Variants in DRD3 observed in about 807,000 individuals in gnomAD.
The protein encoded by DRD3 is dopamine receptor D3.
Under a neutral mutation model 36.3 loss-of-function variants are expected in DRD3, and 19 were observed. The observed-to-expected ratio is 0.52, with a 90% CI of 0.36 to 0.77. The LOEUF (loss-of-function observed/expected upper bound fraction) is 0.77, where lower values mean the gene tolerates loss of function less well. Ranked by LOEUF, DRD3 falls within the 30% of genes least tolerant of loss-of-function variation. The pLI is 0.00. For synonymous variants in DRD3, 195 were observed against 203.7 expected (o/e 0.96, Z 0.36); for missense variants, 465 against 505.3 (o/e 0.92, Z 0.77).
chr3:114,186,701 C>T (rs1263142770), intron 1 of DRD3, among the ~76,000 whole-genome samples: 2 of 152,158 alleles, frequency 1.3e-5, no homozygotes, highest in African/African-American at 4.8e-5. Context: ...CTGACATGAC[C>T]AAAATAAACT....
chr3:114,161,356 T>A (rs999071992), intron 2 of DRD3, among the ~76,000 whole-genome samples: 1 of 152,218 alleles, frequency 6.6e-6, no homozygotes, highest in African/African-American at 2.4e-5. Flanking sequence ...GATTTTCTCA[T>A]CCAAGGATCT....
At chr3:114,170,714 GAT>G in intron 2 of DRD3, among the ~76,000 whole-genome samples, 1 of 152,144 alleles carries the variant, frequency 6.6e-6, no homozygotes, top group Non-Finnish European at 1.5e-5. Flanking sequence ...GCTCTCCCGT[GAT>G]ATGTCATACT....
chr3:114,183,761 A>T (rs36212178), upstream of DRD3, among the ~76,000 whole-genome samples: 1 of 151,686 alleles, frequency 6.6e-6, no homozygotes, highest in Non-Finnish European at 1.5e-5. Flanking sequence ...TTTGGTTACT[A>T]TTTGCATGAA....
intron 4 of DRD3, 33 bp downstream of exon 4, chr3:114,147,382 C>T (rs1203742350): frequency 5.0e-6 from 8 of 1,602,826 alleles, no homozygotes; most frequent in Non-Finnish European, 6.8e-6. Context: ...CTGTGAATCA[C>T]ATGGATGCTA....
rs117707741 is a variant in DRD3, at chr3:114,187,156, A to G, written c.-155-8380T>C. On this transcript the variant is annotated intron_variant, in intron 1 of 7. Coordinates refer to the DRD3 transcript ENST00000460779. The stretch of plus-strand genomic sequence containing the variant: ...AGTTGACAACATTCCATCAAAGAAC[A>G]GGTCATGTGTTTTCTTTCTTTTCTT... Among the ~76,000 whole-genome samples the G allele has an allele frequency of 8.7e-4, 132 of 152,364 alleles. 3 individuals are homozygous for G. The East Asian group carries it at 0.024, about 28-fold the overall frequency.
rs567810497 is a variant in DRD3, at chr3:114,169,815, C to A, written c.270+1908G>T. Among the ~76,000 whole-genome samples, 13 of 152,254 alleles carry A rather than the reference C, an allele frequency of 8.5e-5. No homozygotes were observed. In the East Asian group the frequency reaches 2.1e-3, roughly 25 times the overall value. ...AAGTCACAATGTCTATCTCCTAAAC[C>A]AGTACATACAGATGTTTTCCAGTAT... is the stretch of plus-strand genomic sequence containing the variant. On this transcript the variant is annotated intron_variant, in intron 2 of 6. Coordinates refer to ENST00000383673, the MANE Select transcript of DRD3 (RefSeq NM_000796.6).
Position 114,128,845 on chromosome 3 carries a change from G to C in DRD3, c.1074C>G (p.Cys358Trp). ...CACTGTAAAGCTCTGGGGACACGTG[G>C]CATGTCTGGCAGTGGGTATTGAGAA... The part of the protein sequence containing the change: ...THVLNTHCQT[C>W]HVSPELYSAT... The change falls in exon 7 of 7, where the codon TGC becomes TGG. Residue 358 changes from cysteine (C) to tryptophan (W), a missense_variant. Physicochemically the swap from Cys to Trp is radical, Grantham distance 215. Coordinates refer to ENST00000383673, the MANE Select transcript of DRD3 (RefSeq NM_000796.6). The C allele has an allele frequency of 6.2e-7, 1 of 1,613,908 alleles. No individual in the cohort carries two copies. Among genetic ancestry groups the C allele is most frequent in the Non-Finnish European group, 8.5e-7 (1 of 1,179,918 alleles).
At chr3:114,140,821 G>C (rs1385822185) in intron 4 of DRD3, among the ~76,000 whole-genome samples, 1 of 152,168 alleles carries the variant, frequency 6.6e-6, no homozygotes, top group Non-Finnish European at 1.5e-5. Flanking sequence ...CTTCATAAAG[G>C]GTTGGGGATT....
At chr3:114,152,717 G>T (rs2077629338) in intron 3 of DRD3, among the ~76,000 whole-genome samples, 1 of 152,204 alleles carries the variant, frequency 6.6e-6, no homozygotes, top group Non-Finnish European at 1.5e-5. Flanking sequence ...AAAGCCCGGC[G>T]CCCTGCTTCC....
intron 1 of DRD3, among the ~76,000 whole-genome samples, chr3:114,175,378 C>T (rs2077888035): frequency 6.6e-6 from 1 of 152,006 alleles, no homozygotes; most frequent in Non-Finnish European, 1.5e-5. Flanking sequence ...GGCATTCATG[C>T]TTAAACATTC....
intron 5 of DRD3, among the ~76,000 whole-genome samples, chr3:114,134,750 G>A (rs2077460734): frequency 6.6e-6 from 1 of 151,838 alleles, no homozygotes; most frequent in Admixed American, 6.6e-5. Context: ...GGTCCACAGA[G>A]GTATTCTTAG....
At chr3:114,139,926 G>A (rs750551035) in intron 4 of DRD3, among the ~76,000 whole-genome samples, 9 of 152,148 alleles carry the variant, frequency 5.9e-5, no homozygotes, top group African/African-American at 9.7e-5. Flanking sequence ...ACAATCATAC[G>A]CCAGACACTG....
chr3:114,172,075 C>T (rs2077851327), intron 1 of DRD3, 48 bp from the exon 2 acceptor site: 2 of 1,310,352 alleles, frequency 1.5e-6, no homozygotes, highest in African/African-American at 1.5e-5. Context: ...CTCTTTGGGG[C>T]TTGGTTGCTT....
chr3:114,159,693 C>T (rs1385556153), intron 3 of DRD3, 62 bp downstream of exon 3: 34 of 1,415,702 alleles, frequency 2.4e-5, no homozygotes, highest in Non-Finnish European at 3.0e-5. Context: ...CTCAAGTGCA[C>T]AATCTGTCTC....
chr3:114,179,210 A>G (rs1379728869), upstream of DRD3, among the ~76,000 whole-genome samples: 1 of 152,156 alleles, frequency 6.6e-6, no homozygotes, highest in Non-Finnish European at 1.5e-5. Flanking sequence ...GTGGGTGTAA[A>G]GATGATTAGT....
chr3:114,159,533 G>A (rs1056786809), intron 3 of DRD3, among the ~76,000 whole-genome samples: 4 of 152,072 alleles, frequency 2.6e-5, no homozygotes, highest in African/African-American at 9.7e-5. Context: ...CAGGGAGCTG[G>A]AGGAGAAGAA....
chr3:114,180,291 G>T (rs1460964794), upstream of DRD3, among the ~76,000 whole-genome samples: 1 of 151,928 alleles, frequency 6.6e-6, no homozygotes, highest in Non-Finnish European at 1.5e-5. Context: ...CTTTATAGAG[G>T]CTGTTATGGA....
Position 114,177,548 on chromosome 3 carries a change from G to A in DRD3, c.-36+1109C>T, listed in dbSNP as rs572558046. Among the ~76,000 whole-genome samples the A allele has an allele frequency of 3.3e-5, 5 of 152,260 alleles. No homozygotes were observed. In the South Asian group the frequency reaches 1.0e-3, roughly 32 times the overall value. On this transcript the variant is annotated intron_variant, in intron 1 of 6. Transcript: ENST00000383673. ...ATCAATCAATAAGCAAATATTAATT[G>A]ATGACAAACTTCAATGCATTAGAAA...
At chr3:114,182,707 G>T (rs1404975787), upstream of DRD3, among the ~76,000 whole-genome samples, 3 of 151,994 alleles carry the variant, frequency 2.0e-5, no homozygotes, top group Admixed American at 6.6e-5. Context: ...AGCCTACCAG[G>T]TTTAAGCGAT....
Sources: allele counts gnomAD v4.1 joint callset (sites outside exome capture counted in the v4.1 genomes callset), GRCh38; gene constraint gnomAD v4.1.1; transcripts MANE v1.5; gene names NCBI Gene and HGNC (gene_info 2026-07-23, HGNC 2026-07-21).